The following INPP1 variants were observed in gnomAD, a reference collection of about 807,000 sequenced individuals.
INPP1 encodes inositol polyphosphate 1-phosphatase.
Under a neutral mutation model 23.0 loss-of-function variants are expected in INPP1, and 18 were observed. The ratio of observed to expected loss-of-function variants is 0.78; its 90% CI spans 0.54 to 1.16. The LOEUF (loss-of-function observed/expected upper bound fraction) is 1.16. Among genes scored for constraint, INPP1 ranks in the 50% most tolerant of loss-of-function variants. INPP1 has a pLI of 0.00. For missense variants in INPP1, 448 were observed against 482.1 expected (o/e 0.93, Z 0.66); for synonymous variants, 164 against 176.3 (o/e 0.93, Z 0.55).
In INPP1 at chr2:190,360,119, G is replaced by A. The variant is rs201430776; in HGVS notation, c.17G>A (p.Arg6Gln). 1.1e-4 allele frequency: 178 copies of A among 1,613,188 alleles called. No homozygotes were observed. Among genetic ancestry groups the A allele is most frequent in the Non-Finnish European group, 1.3e-4 (153 of 1,180,026 alleles). The change falls in exon 3 of 7, where the codon CGG becomes CAG. Residue 6 changes from arginine (R) to glutamine (Q), a missense_variant. Coordinates refer to ENST00000392329, the MANE Select transcript of INPP1 (RefSeq NM_001128928.2). MSDIL[R>Q]ELLCVSEKAA... is the part of the protein sequence containing the mutation. Reference sequence around the variant, plus strand: ...GGTTCAGAAATGTCAGATATCCTCCGGGAGCTGCTCTGTGTCTCTGAGAAG... The same window carrying A: ...GGTTCAGAAATGTCAGATATCCTCCAGGAGCTGCTCTGTGTCTCTGAGAAG...
At chr2:190,362,577 C>A (rs2124933706) in intron 3 of INPP1, 50 bp from the exon 4 acceptor site, 3 of 1,076,272 alleles carry the variant, frequency 2.8e-6, no homozygotes, top group Non-Finnish European at 2.8e-6. Context: ...CAGAATTGAG[C>A]ATATGTGTGG....
chr2:190,362,787 T>G, intron 4 of INPP1, 100 bp downstream of exon 4: 1 of 680,842 alleles, frequency 1.5e-6, no homozygotes, highest in Non-Finnish European at 2.4e-6. Context: ...AGCCACTTAC[T>G]GTAAACAACA....
intron 2 of INPP1, among the ~76,000 whole-genome samples, chr2:190,358,925 G>A (rs1258468609): frequency 3.9e-5 from 6 of 152,010 alleles, no homozygotes; most frequent in Non-Finnish European, 7.4e-5. Context: ...TTTTTTTAAC[G>A]GGGTGTGAGG....
rs942563254 is a variant in INPP1 at position 190,348,930 on chromosome 2, T to G, written c.-166T>G. The G allele has an allele frequency of 6.6e-6, 1 of 152,214 alleles. No individual in the cohort carries two copies. The highest frequency in any genetic ancestry group is 1.5e-5 in the Non-Finnish European group (1 of 68,032). 9.4% of individuals were successfully genotyped at this position (152,214 alleles called of 1,614,324 possible). ...CATGTGGCCGAGTTTATATACCTGA[T>G]TGGCAAAACAGAGCCTAAGAACCAG... is the stretch of plus-strand genomic sequence containing the variant. On this transcript the variant is annotated 5_prime_UTR_variant, in exon 2 of 7. Transcript: ENST00000392329.
intron 2 of INPP1, among the ~76,000 whole-genome samples, chr2:190,358,223 C>T (rs182092816): frequency 2.2e-3 from 328 of 151,942 alleles, no homozygotes; most frequent in South Asian, 7.1e-3. Flanking sequence ...AGACTACAGG[C>T]GTGGAGCACC....
At chr2:190,360,443 C>A in intron 3 of INPP1, 137 bp downstream of exon 3, 1 of 654,716 alleles carries the variant, frequency 1.5e-6, no homozygotes, top group Non-Finnish European at 2.6e-6. Context: ...CTTGGATTTT[C>A]TTCCTCCTTG....
intron 4 of INPP1, among the ~76,000 whole-genome samples, chr2:190,366,030 GCT>G (rs1157445888): frequency 6.0e-5 from 4 of 66,588 alleles, no homozygotes; most frequent in Middle Eastern, 0.013. Flanking sequence ...TCTCTCGCTC[GCT>G]CTCTGTCTCA....
Position 190,355,734 on chromosome 2 carries a change from A to G in INPP1, c.-64-4305A>G, listed in dbSNP as rs1030316908. 7.2e-5 allele frequency among the ~76,000 whole-genome samples: 11 copies of G among 152,360 alleles called. No homozygotes were observed. Among genetic ancestry groups the G allele is most frequent in the African/African-American group, 2.6e-4 (11 of 41,584 alleles). On this transcript the variant is annotated intron_variant, in intron 2 of 6. Transcript: ENST00000392329. This position sits in a 1 kb window ranked among gnomAD's most constrained non-coding sequence, Gnocchi z 5.1. ...GTCTATAATAATTTTTATTTAAAGT[A>G]CAGTGTTGAAATAAAGTGGTCTTAG...
intron 2 of INPP1, chr2:190,359,685 A>AGG: frequency 5.9e-6 from 1 of 169,900 alleles, no homozygotes; most frequent in Non-Finnish European, 1.3e-5. Context: ...TGCTAAGCAT[A>AGG]TGATCATTCT....
At position 190,354,935 on chromosome 2, in the gene INPP1, T is replaced by TGTGC. The variant is rs902223639; in HGVS notation, c.-64-5101_-64-5100insCGTG. ...CAGATATCAACTAGGGGTGTGTGTGTGTGTGTGTGTGCATTTTTTTTTTTT... is the reference window on the plus strand; with the variant it reads ...CAGATATCAACTAGGGGTGTGTGTGTGTGCGTGTGTGTGTGCATTTTTTTTTTTT... On this transcript the variant is annotated intron_variant, in intron 2 of 6. Transcript: ENST00000392329. The surrounding 1 kb of genome is among the most constrained non-coding windows in gnomAD (Gnocchi z 4.8). Among the ~76,000 whole-genome samples the TGTGC allele has an allele frequency of 1.6e-5, 2 of 128,754 alleles. No individual in the cohort carries two copies. The highest frequency in any genetic ancestry group is 3.1e-5 in the Non-Finnish European group (2 of 65,128). 84.5% of individuals were successfully genotyped at this position (128,754 alleles called of 152,430 possible).
At chr2:190,366,011 GTCTCGC>G (rs1689647663) in intron 4 of INPP1, among the ~76,000 whole-genome samples, 1 of 22,208 alleles carries the variant, frequency 4.5e-5, no homozygotes, top group African/African-American at 2.9e-4. Context: ...CTCTCGCTCT[GTCTCGC>G]TCTCTCTCGC....
At chr2:190,369,925 C>T (rs1233165773) in intron 6 of INPP1, among the ~76,000 whole-genome samples, 1 of 152,170 alleles carries the variant, frequency 6.6e-6, no homozygotes, top group Non-Finnish European at 1.5e-5. Context: ...TATTTTTTCA[C>T]TTATATAGGA....
chr2:190,362,803 T>G (rs1045749861), intron 4 of INPP1, 116 bp downstream of exon 4: 1 of 572,068 alleles, frequency 1.7e-6, no homozygotes, highest in African/African-American at 2.0e-5. Flanking sequence ...CAACATAATA[T>G]ATTTGAATGT....
At chr2:190,366,002 TC>T (rs1689646779) in intron 4 of INPP1, among the ~76,000 whole-genome samples, 1 of 26,484 alleles carries the variant, frequency 3.8e-5, no homozygotes, top group African/African-American at 2.4e-4. Context: ...TCTCTCGCTC[TC>T]TCGCTCTGTC....
intron 2 of INPP1, among the ~76,000 whole-genome samples, chr2:190,359,031 G>A (rs964067195): frequency 3.3e-5 from 5 of 152,160 alleles, no homozygotes; most frequent in African/African-American, 1.2e-4. Context: ...TGGGCGCAGT[G>A]GCTCACACCT....
intron 4 of INPP1, among the ~76,000 whole-genome samples, chr2:190,364,069 G>A (rs1377583021): frequency 6.6e-6 from 1 of 152,224 alleles, no homozygotes; most frequent in Non-Finnish European, 1.5e-5. Context: ...TAGGTGTGCA[G>A]TAAGTAGCCA....
chr2:190,354,948 A>ATT lies in INPP1; in HGVS notation c.-64-5078_-64-5077dup, dbSNP rs11286107. ...GGGGTGTGTGTGTGTGTGTGTGTGC[A>ATT]TTTTTTTTTTTTTTGCTATATAATG... On this transcript the variant is annotated intron_variant, in intron 2 of 6. Transcript: ENST00000392329. This position sits in a 1 kb window ranked among gnomAD's most constrained non-coding sequence, Gnocchi z 4.8. Among the ~76,000 whole-genome samples the ATT allele has an allele frequency of 1.6e-4, 23 of 142,648 alleles. No individual in the cohort carries two copies. Among genetic ancestry groups the ATT allele is most frequent in the Admixed American group, 6.3e-4 (9 of 14,312 alleles). The allele number at this position is 142,648 out of a possible 152,430, so 93.6% of individuals were successfully genotyped here. A position where few individuals can be genotyped will look rare whatever the true frequency, so the allele number is the denominator to read the frequency against.
chr2:190,347,260 C>G (rs1401854569), intron 1 of INPP1, among the ~76,000 whole-genome samples: 2 of 152,038 alleles, frequency 1.3e-5, no homozygotes, highest in East Asian at 3.9e-4. Flanking sequence ...ATCCACCCGC[C>G]TTGGCCTCCC....
intron 4 of INPP1, among the ~76,000 whole-genome samples, chr2:190,365,812 G>A (rs894008528): frequency 2.7e-5 from 4 of 149,320 alleles, no homozygotes; most frequent in Non-Finnish European, 4.5e-5. Context: ...TTGCTCTCTC[G>A]CTCTCTCTGT....
Sources: allele counts gnomAD v4.1 joint callset (sites outside exome capture counted in the v4.1 genomes callset), GRCh38; gene constraint gnomAD v4.1.1; non-coding constraint Gnocchi (gnomAD v3.1); transcripts MANE v1.5; gene names NCBI Gene and HGNC (gene_info 2026-07-23, HGNC 2026-07-21).